The following CCSER1 variants were observed in gnomAD, a reference collection of about 807,000 sequenced individuals.
CCSER1 encodes the protein coiled-coil serine rich protein 1, also known as serine-rich coiled-coil domain-containing protein 1.
Under a neutral mutation model 82.0 loss-of-function variants are expected in CCSER1, and 41 were observed. That is an observed-to-expected ratio of 0.50 (90% CI 0.39 to 0.65). CCSER1 has a LOEUF of 0.65. Among genes scored for constraint, CCSER1 ranks in the 30% least tolerant of loss-of-function variants. The pLI, the probability that CCSER1 is intolerant of heterozygous loss-of-function variation, is 0.00. For missense variants in CCSER1, 1,119 were observed against 1,064.2 expected (o/e 1.05, Z -0.72); for synonymous variants, 414 against 383.9 (o/e 1.08, Z -0.92).
At chr4:90,469,183 C>T (rs1764029561) in intron 5 of CCSER1, among the ~76,000 whole-genome samples, 1 of 151,908 alleles carries the variant, frequency 6.6e-6, no homozygotes, top group Non-Finnish European at 1.5e-5. Flanking sequence ...CATTGGATTA[C>T]ACTGTGTTAT....
chr4:90,352,800 A>G (rs1743734658), intron 3 of CCSER1, among the ~76,000 whole-genome samples: 1 of 152,190 alleles, frequency 6.6e-6, no homozygotes, highest in African/African-American at 2.4e-5. Flanking sequence ...CTTGAGGACT[A>G]AGGAAAACAA....
At chr4:91,320,312 A>G (rs1020254067) in intron 10 of CCSER1, among the ~76,000 whole-genome samples, 1 of 152,072 alleles carries the variant, frequency 6.6e-6, no homozygotes, top group Non-Finnish European at 1.5e-5. Context: ...GAAAAAATAA[A>G]TTAGTGCCAG....
At chr4:91,431,890 T>C (rs1004056717) in intron 10 of CCSER1, among the ~76,000 whole-genome samples, 2 of 152,180 alleles carry the variant, frequency 1.3e-5, no homozygotes, top group Admixed American at 6.5e-5. Context: ...TCTTTATTGT[T>C]GGTTCACTGC....
At chr4:90,744,854 T>C (rs1197206240) in intron 7 of CCSER1, among the ~76,000 whole-genome samples, 3 of 152,102 alleles carry the variant, frequency 2.0e-5, no homozygotes, top group Non-Finnish European at 4.4e-5. Context: ...CCCCTATCCA[T>C]GGAAAAATTG....
intron 10 of CCSER1, among the ~76,000 whole-genome samples, chr4:91,466,758 C>A (rs1756936545): frequency 6.6e-6 from 1 of 152,056 alleles, no homozygotes; most frequent in Non-Finnish European, 1.5e-5. Flanking sequence ...TTCACAATTG[C>A]TTCAAAGAGA....
At chr4:90,588,326 T>G (rs1470940165) in intron 5 of CCSER1, among the ~76,000 whole-genome samples, 1 of 152,240 alleles carries the variant, frequency 6.6e-6, no homozygotes, top group Non-Finnish European at 1.5e-5. Context: ...ATCAATTGTT[T>G]AGGTAATATT....
At chr4:90,655,961 A>T (rs980539398) in intron 6 of CCSER1, among the ~76,000 whole-genome samples, 1 of 151,906 alleles carries the variant, frequency 6.6e-6, no homozygotes, top group Non-Finnish European at 1.5e-5. Context: ...CAGTTATAAT[A>T]TTCTTGGCTT....
intron 10 of CCSER1, among the ~76,000 whole-genome samples, chr4:91,482,818 G>A (rs1162436745): frequency 7.9e-5 from 12 of 152,094 alleles, no homozygotes; most frequent in East Asian, 5.8e-4. Context: ...GCTGGAAACC[G>A]TCATTCTCAG....
At chr4:91,365,236 G>A (rs977947330) in intron 10 of CCSER1, among the ~76,000 whole-genome samples, 11 of 152,078 alleles carry the variant, frequency 7.2e-5, no homozygotes, top group African/African-American at 2.7e-4. Context: ...GCTGACCTGA[G>A]GTAAACAATA....
At chr4:90,876,297 C>T (rs567017867) in intron 8 of CCSER1, among the ~76,000 whole-genome samples, 45 of 151,990 alleles carry the variant, frequency 3.0e-4, no homozygotes, top group African/African-American at 1.1e-3. Flanking sequence ...ATTCTAACTC[C>T]AAGGGTATTC....
intron 8 of CCSER1, among the ~76,000 whole-genome samples, chr4:90,873,670 T>G (rs10017262): frequency 0.42 from 63,339 of 151,948 alleles, 13,923 homozygotes; most frequent in African/African-American, 0.55. Context: ...TCATCTTAAG[T>G]GTTAAGAGTG....
chr4:90,956,286 C>T (rs1733424650), intron 9 of CCSER1, among the ~76,000 whole-genome samples: 1 of 152,032 alleles, frequency 6.6e-6, no homozygotes, highest in Non-Finnish European at 1.5e-5. Context: ...TAAGAAAGAC[C>T]TACTAACTAT....
chr4:90,492,646 G>A (rs1408748401), intron 5 of CCSER1, among the ~76,000 whole-genome samples: 1 of 152,074 alleles, frequency 6.6e-6, no homozygotes, highest in African/African-American at 2.4e-5. Flanking sequence ...GCTTTCTCTT[G>A]TGGGCATTTA....
chr4:91,182,689 A>T (rs1396538315), intron 10 of CCSER1, among the ~76,000 whole-genome samples: 1 of 152,198 alleles, frequency 6.6e-6, no homozygotes, highest in Non-Finnish European at 1.5e-5. Flanking sequence ...AATGCCCATC[A>T]CCACAAAACT....
At chr4:90,849,253 C>T (rs1032114954) in intron 8 of CCSER1, among the ~76,000 whole-genome samples, 20 of 152,208 alleles carry the variant, frequency 1.3e-4, no homozygotes, top group East Asian at 1.2e-3. Flanking sequence ...ATATGGATAA[C>T]GAAGTCTGGG....
At chr4:90,356,189 T>C (rs1420820509) in intron 3 of CCSER1, among the ~76,000 whole-genome samples, 1 of 151,872 alleles carries the variant, frequency 6.6e-6, no homozygotes, top group Admixed American at 6.6e-5. Context: ...ATATCTATTC[T>C]GTGTTTAGAC....
rs1761941665 is a variant in CCSER1, at chr4:90,837,380, A to C, written c.2094+21535A>C. On this transcript the variant is annotated intron_variant, in intron 8 of 10. Transcript: ENST00000509176. Reference sequence around the variant, plus strand: ...TTTAGCTTCTCACTATTCACAATACATTTTATGTCCCTTTGTTTTGCTTAG... The same window carrying C: ...TTTAGCTTCTCACTATTCACAATACCTTTTATGTCCCTTTGTTTTGCTTAG... 2.6e-5 allele frequency among the ~76,000 whole-genome samples: 4 copies of C among 152,148 alleles called. No individual in the cohort carries two copies. In the South Asian group the frequency reaches 8.3e-4, roughly 31 times the overall value.
intron 1 of CCSER1, among the ~76,000 whole-genome samples, chr4:90,254,334 G>T (rs1722892014): frequency 6.6e-6 from 1 of 152,180 alleles, no homozygotes; most frequent in Non-Finnish European, 1.5e-5. Flanking sequence ...CACTTCTCTA[G>T]GAATGACAGC....
chr4:90,498,419 T>G (rs901821545), intron 5 of CCSER1, among the ~76,000 whole-genome samples: 10 of 152,302 alleles, frequency 6.6e-5, no homozygotes, highest in African/African-American at 2.4e-4. Context: ...TGTAGACTAC[T>G]GTATAATGAC....
Sources: allele counts gnomAD v4.1 joint callset (sites outside exome capture counted in the v4.1 genomes callset), GRCh38; gene constraint gnomAD v4.1.1; transcripts MANE v1.5; gene names NCBI Gene and HGNC (gene_info 2026-07-23, HGNC 2026-07-21).